The following NR2F1-AS1 variants were observed in gnomAD, a reference collection of about 807,000 sequenced individuals.
NR2F1-AS1 encodes NR2F1 regulatory antisense RNA 1.
At chr5:93,497,024 C>T (rs1467087975) in intron 4 of NR2F1-AS1, among the ~76,000 whole-genome samples, 1 of 152,192 alleles carries the variant, frequency 6.6e-6, no homozygotes, top group Admixed American at 6.6e-5. Flanking sequence ...GACTCAAACA[C>T]TGTCCAAATG....
At chr5:93,468,849 T>C (rs1750303700) in intron 4 of NR2F1-AS1, among the ~76,000 whole-genome samples, 1 of 152,074 alleles carries the variant, frequency 6.6e-6, no homozygotes, top group Non-Finnish European at 1.5e-5. Context: ...GGATCCAGTT[T>C]CAGCTTTCTA....
chr5:93,534,684 A>C (rs1241803630), intron 4 of NR2F1-AS1, among the ~76,000 whole-genome samples: 1 of 152,200 alleles, frequency 6.6e-6, no homozygotes, highest in Non-Finnish European at 1.5e-5. Flanking sequence ...CTATACCCAA[A>C]GGATTATCCT....
At chr5:93,563,167 T>C (rs1752533508) in intron 2 of NR2F1-AS1, among the ~76,000 whole-genome samples, 1 of 152,250 alleles carries the variant, frequency 6.6e-6, no homozygotes, top group South Asian at 2.1e-4. Context: ...TCTGGGATTA[T>C]ATATGGGCAA....
Position 93,528,368 on chromosome 5 carries a change from T to C in NR2F1-AS1, n.638+25393A>G, listed in dbSNP as rs530797741. Among the ~76,000 whole-genome samples, 3 of 152,272 alleles carry C rather than the reference T, an allele frequency of 2.0e-5. No individual in the cohort carries two copies. The East Asian group carries it at 5.8e-4, about 29-fold the overall frequency. On this transcript the variant is annotated intron_variant and non_coding_transcript_variant, in intron 4 of 5. Coordinates refer to ENST00000660523, the Ensembl canonical transcript of NR2F1-AS1. ...AATGAAATTATCATCTCACACCAGT[T>C]AGAATGGCAGTCATTAAAAAGTCAG... is the stretch of plus-strand genomic sequence containing the variant.
intron 4 of NR2F1-AS1, among the ~76,000 whole-genome samples, chr5:93,475,431 G>C (rs1750463093): frequency 6.6e-6 from 1 of 152,028 alleles, no homozygotes. Context: ...TTGTTATTCT[G>C]CCTACATTAA....
At chr5:93,546,266 T>C (rs939207246) in intron 4 of NR2F1-AS1, among the ~76,000 whole-genome samples, 1 of 151,874 alleles carries the variant, frequency 6.6e-6, no homozygotes, top group Admixed American at 6.6e-5. Context: ...AGGAGAGGAG[T>C]TTCTACTTAT....
At chr5:93,460,136 A>C (rs1429449127) in intron 4 of NR2F1-AS1, among the ~76,000 whole-genome samples, 1 of 152,176 alleles carries the variant, frequency 6.6e-6, no homozygotes, top group Non-Finnish European at 1.5e-5. Context: ...GACTTGATGA[A>C]AACGCCCTGG....
intron 4 of NR2F1-AS1, chr5:93,543,687 A>G (rs1380186567): frequency 6.6e-6 from 1 of 152,232 alleles, no homozygotes; most frequent in Non-Finnish European, 1.5e-5. Context: ...ATGGTAACTT[A>G]CAAACTTTTT....
intron 1 of NR2F1-AS1, among the ~76,000 whole-genome samples, chr5:93,567,041 AT>A (rs1189272519): frequency 2.0e-5 from 3 of 151,922 alleles, no homozygotes; most frequent in African/African-American, 7.2e-5. Flanking sequence ...AGAAAAAGTT[AT>A]TTTTTCTTTA....
At chr5:93,554,700 G>A (rs546428160) in intron 3 of NR2F1-AS1, among the ~76,000 whole-genome samples, 1 of 152,168 alleles carries the variant, frequency 6.6e-6, no homozygotes, top group African/African-American at 2.4e-5. Context: ...CTGTGAACAA[G>A]TATAAAAATA....
intron 4 of NR2F1-AS1, among the ~76,000 whole-genome samples, chr5:93,444,696 A>G (rs993872677): frequency 2.0e-5 from 3 of 152,176 alleles, no homozygotes; most frequent in African/African-American, 4.8e-5. Context: ...TGCACCAAGC[A>G]GACCTAATAG....
At chr5:93,450,885 C>T (rs1561443922) in intron 4 of NR2F1-AS1, among the ~76,000 whole-genome samples, 2 of 137,024 alleles carry the variant, frequency 1.5e-5, no homozygotes, top group African/African-American at 2.8e-5. Context: ...ACTGCATTCT[C>T]TCCTGGGCAA....
chr5:93,582,784 GTA>G (rs1554074347), upstream of NR2F1-AS1, among the ~76,000 whole-genome samples: 7 of 151,134 alleles, frequency 4.6e-5, no homozygotes, highest in South Asian at 2.1e-4. Flanking sequence ...GTGTGTGTGT[GTA>G]TGTGTGTGTG....
chr5:93,467,108 G>T (rs1003147522), intron 4 of NR2F1-AS1, among the ~76,000 whole-genome samples: 1 of 152,066 alleles, frequency 6.6e-6, no homozygotes, highest in Non-Finnish European at 1.5e-5. Flanking sequence ...CACCACATTG[G>T]CCAGGCTGGT....
chr5:93,461,581 T>C (rs981698289), intron 4 of NR2F1-AS1, among the ~76,000 whole-genome samples: 1 of 152,116 alleles, frequency 6.6e-6, no homozygotes, highest in African/African-American at 2.4e-5. Context: ...TAAGAAAAAG[T>C]ATAATCCTTG....
chr5:93,409,514 G>A (rs1748806352), intron 4 of NR2F1-AS1: 2 of 152,118 alleles, frequency 1.3e-5, no homozygotes, highest in African/African-American at 4.8e-5. Flanking sequence ...TCCAGAACAG[G>A]AAATAAATAT....
intron 4 of NR2F1-AS1, among the ~76,000 whole-genome samples, chr5:93,499,689 G>T (rs1275954057): frequency 6.6e-6 from 1 of 152,116 alleles, no homozygotes; most frequent in Non-Finnish European, 1.5e-5. Context: ...GCAGTGAAAG[G>T]AAGAGTCTCA....
chr5:93,566,650 T>C (rs562145016), intron 1 of NR2F1-AS1, among the ~76,000 whole-genome samples: 1 of 152,136 alleles, frequency 6.6e-6, no homozygotes. Flanking sequence ...CCAGTATAAA[T>C]TGGTAGAACC....
At chr5:93,417,414 TAA>T (rs1438693072) in intron 4 of NR2F1-AS1, among the ~76,000 whole-genome samples, 2 of 152,128 alleles carry the variant, frequency 1.3e-5, no homozygotes, top group African/African-American at 4.8e-5. Flanking sequence ...CTAAAACAGA[TAA>T]AGAGTGCCTA....
Sources: allele counts gnomAD v4.1 joint callset (sites outside exome capture counted in the v4.1 genomes callset), GRCh38; gene constraint gnomAD v4.1.1; transcripts MANE v1.5; gene names NCBI Gene and HGNC (gene_info 2026-07-23, HGNC 2026-07-21).